The following CACNB2 variants were observed in gnomAD, a reference collection of about 807,000 sequenced individuals.
CACNB2 encodes the protein calcium voltage-gated channel auxiliary subunit beta 2, also known as voltage-dependent L-type calcium channel subunit beta-2.
CACNB2 carries 42 observed loss-of-function variants against 73.3 expected under a neutral mutation model. The ratio of observed to expected loss-of-function variants is 0.57; its 90% CI spans 0.45 to 0.74. The LOEUF (loss-of-function observed/expected upper bound fraction) is 0.74. Ranked by LOEUF, CACNB2 falls within the 30% of genes least tolerant of loss-of-function variation. The pLI is 0.00. For synonymous variants in CACNB2, 348 were observed against 310.3 expected (o/e 1.12, Z -1.28); for missense variants, 940 against 853.0 (o/e 1.10, Z -1.27).
chr10:18,260,238 G>A (rs2037475213), intron 2 of CACNB2, among the ~76,000 whole-genome samples: 1 of 152,076 alleles, frequency 6.6e-6, no homozygotes, highest in African/African-American at 2.4e-5. Context: ...CCTGAAAACT[G>A]GGTCTTTAGG....
intron 3 of CACNB2, among the ~76,000 whole-genome samples, chr10:18,403,762 A>T (rs2044133479): frequency 6.6e-6 from 1 of 152,218 alleles, no homozygotes; most frequent in African/African-American, 2.4e-5. Flanking sequence ...AGAGGATAAA[A>T]GAAAATGAAG....
At chr10:18,426,885 T>G (rs2132778000) in intron 3 of CACNB2, among the ~76,000 whole-genome samples, 1 of 152,196 alleles carries the variant, frequency 6.6e-6, no homozygotes, top group African/African-American at 2.4e-5. Context: ...TTTCTTCTAT[T>G]TCTAGTTTGC....
chr10:18,171,569 T>A (rs2033245980), intron 2 of CACNB2, among the ~76,000 whole-genome samples: 1 of 107,516 alleles, frequency 9.3e-6, no homozygotes, highest in Non-Finnish European at 2.1e-5. Context: ...TTCTTCTTCA[T>A]CCTTCTTAAT....
At chr10:18,200,696 T>A (rs1163714136) in intron 2 of CACNB2, among the ~76,000 whole-genome samples, 1 of 152,194 alleles carries the variant, frequency 6.6e-6, no homozygotes, top group Non-Finnish European at 1.5e-5. Context: ...AGTCTTCTTA[T>A]ACCAGATTTT....
At chr10:18,315,130 G>A (rs1351116164) in intron 2 of CACNB2, among the ~76,000 whole-genome samples, 2 of 152,038 alleles carry the variant, frequency 1.3e-5, no homozygotes, top group African/African-American at 4.8e-5. Context: ...TCAGGAGTTC[G>A]AGACCAGCCT....
chr10:18,212,588 A>T (rs1014674033), intron 2 of CACNB2, among the ~76,000 whole-genome samples: 2 of 152,106 alleles, frequency 1.3e-5, no homozygotes, highest in African/African-American at 4.8e-5. Context: ...ATTTACTGCT[A>T]ATATTTTTTT....
intron 2 of CACNB2, among the ~76,000 whole-genome samples, chr10:18,227,491 A>G (rs1011728641): frequency 6.6e-6 from 1 of 152,214 alleles, no homozygotes; most frequent in Non-Finnish European, 1.5e-5. Context: ...ACGTTATTTC[A>G]ATTCAGTAGT....
chr10:18,396,268 T>G (rs1401924816), intron 2 of CACNB2, among the ~76,000 whole-genome samples: 2 of 152,150 alleles, frequency 1.3e-5, no homozygotes, highest in African/African-American at 4.8e-5. Context: ...AGTTTATGAT[T>G]TTATTTATGA....
chr10:18,226,396 T>C (rs2035994812), intron 2 of CACNB2, among the ~76,000 whole-genome samples: 1 of 152,198 alleles, frequency 6.6e-6, no homozygotes, highest in Admixed American at 6.5e-5. Flanking sequence ...ATGCATTTTG[T>C]TAGCTTTGTA....
chr10:18,366,882 T>C (rs1427306327), intron 2 of CACNB2, among the ~76,000 whole-genome samples: 1 of 152,226 alleles, frequency 6.6e-6, no homozygotes, highest in Non-Finnish European at 1.5e-5. Flanking sequence ...TAGTCATTTT[T>C]TGTCTTTTGG....
intron 2 of CACNB2, among the ~76,000 whole-genome samples, chr10:18,164,195 G>T (rs541042736): frequency 1.9e-4 from 29 of 152,324 alleles, no homozygotes; most frequent in African/African-American, 6.7e-4. Context: ...AGGTCACAGG[G>T]TTTAGAGCTG....
chr10:18,430,263 C>G (rs528269750), intron 3 of CACNB2, among the ~76,000 whole-genome samples: 1 of 152,104 alleles, frequency 6.6e-6, no homozygotes, highest in Non-Finnish European at 1.5e-5. Flanking sequence ...AACACACAAA[C>G]CTGTCTTCGA....
chr10:18,278,687 C>A (rs11013305), intron 2 of CACNB2, among the ~76,000 whole-genome samples: 23,586 of 151,856 alleles, frequency 0.16, 2,013 homozygotes, highest in African/African-American at 0.21. Context: ...CTTTTCACAG[C>A]CTATTTTGGG....
At chr10:18,294,078 T>C (rs777975800) in intron 2 of CACNB2, among the ~76,000 whole-genome samples, 3 of 152,222 alleles carry the variant, frequency 2.0e-5, no homozygotes, top group African/African-American at 4.8e-5. Context: ...CCCTTGTCTC[T>C]TTAACCACAT....
intron 3 of CACNB2, among the ~76,000 whole-genome samples, chr10:18,486,482 T>G (rs2049065095): frequency 6.6e-6 from 1 of 152,198 alleles, no homozygotes; most frequent in South Asian, 2.1e-4. Flanking sequence ...TTCTAAACAT[T>G]AACCACCTCT....
chr10:18,422,338 G>A (rs1230879001), intron 3 of CACNB2, among the ~76,000 whole-genome samples: 4 of 152,194 alleles, frequency 2.6e-5, no homozygotes, highest in African/African-American at 9.7e-5. Context: ...CCCACCTGTG[G>A]GTTGCAGAAG....
Position 18,539,756 on chromosome 10 carries a change from T to A in CACNB2, c.*32T>A. The A allele has an allele frequency of 6.3e-7, 1 of 1,582,274 alleles. No individual in the cohort carries two copies. The highest frequency in any genetic ancestry group is 1.2e-5 in the South Asian group (1 of 86,232). On this transcript the variant is annotated 3_prime_UTR_variant, in exon 14 of 14. Transcript: ENST00000324631. ...CCCGTTTGTGTTTTTTTTTTTTTTT[T>A]TTTGAAGTCTTGTATAACTAACAGC...
chr10:18,290,359 A>G (rs2039015795), intron 2 of CACNB2, among the ~76,000 whole-genome samples: 1 of 151,630 alleles, frequency 6.6e-6, no homozygotes. Flanking sequence ...GTTAATACCT[A>G]TTTCCCAGAT....
intron 2 of CACNB2, among the ~76,000 whole-genome samples, chr10:18,312,452 C>T (rs893523102): frequency 6.6e-6 from 1 of 152,102 alleles, no homozygotes; most frequent in African/African-American, 2.4e-5. Flanking sequence ...TTATATCATC[C>T]TAGCTCAGCC....
Sources: gnomAD v4.1 joint callset for allele counts (sites outside exome capture counted in the v4.1 genomes callset) on GRCh38, gnomAD v4.1.1 for gene constraint, MANE v1.5 for transcripts, NCBI Gene and HGNC (gene_info 2026-07-23, HGNC 2026-07-21) for gene names.